Variants in CDH12 observed in about 807,000 individuals in gnomAD.
The protein encoded by CDH12 is cadherin-12.
A neutral mutation model predicts 74.1 loss-of-function variants in CDH12; 41 were observed. The observed-to-expected ratio is 0.55, with a 90% CI of 0.43 to 0.72. CDH12 has a LOEUF of 0.72. Among genes scored for constraint, CDH12 ranks in the 30% least tolerant of loss-of-function variants. The pLI, the probability that CDH12 is intolerant of heterozygous loss-of-function variation, is 0.00. For missense variants in CDH12, 945 were observed against 977.2 expected (o/e 0.97, Z 0.44); for synonymous variants, 399 against 355.0 (o/e 1.12, Z -1.39).
intron 5 of CDH12, among the ~76,000 whole-genome samples, chr5:21,995,548 T>G (rs1350424300): frequency 6.6e-6 from 1 of 151,974 alleles, no homozygotes; most frequent in Non-Finnish European, 1.5e-5. Flanking sequence ...AATGAAAGCT[T>G]AGCAGCCACC....
At chr5:22,623,202 C>T (rs1417968619) in intron 1 of CDH12, among the ~76,000 whole-genome samples, 2 of 152,162 alleles carry the variant, frequency 1.3e-5, no homozygotes, top group Non-Finnish European at 1.5e-5. Flanking sequence ...GACAAACCCA[C>T]AGCCAATATC....
chr5:22,504,870 A>G (rs1044778874), intron 2 of CDH12, among the ~76,000 whole-genome samples: 8 of 152,076 alleles, frequency 5.3e-5, no homozygotes, highest in African/African-American at 1.9e-4. Context: ...TTTAACAAAA[A>G]TAATACCCGC....
At chr5:22,356,326 T>A (rs920420651) in intron 3 of CDH12, among the ~76,000 whole-genome samples, 2 of 152,216 alleles carry the variant, frequency 1.3e-5, no homozygotes, top group East Asian at 3.9e-4. Flanking sequence ...CACATTTAGA[T>A]AACAATGGTT....
chr5:22,434,094 A>C (rs1318294328), intron 2 of CDH12, among the ~76,000 whole-genome samples: 1 of 152,026 alleles, frequency 6.6e-6, no homozygotes, highest in Non-Finnish European at 1.5e-5. Flanking sequence ...AAAAGGATCA[A>C]AGAAAGAGTG....
At chr5:22,566,059 T>C (rs1013236363) in intron 1 of CDH12, among the ~76,000 whole-genome samples, 3 of 152,172 alleles carry the variant, frequency 2.0e-5, no homozygotes, top group African/African-American at 7.2e-5. Context: ...AATTGATGTC[T>C]GAAGTATGTT....
intron 14 of CDH12, among the ~76,000 whole-genome samples, chr5:21,753,850 C>A (rs1744235597): frequency 1.3e-5 from 2 of 152,034 alleles, no homozygotes. Context: ...CAGAACATAC[C>A]AAGCCATGTT....
chr5:21,934,692 CTCTT>C (rs1754993849), intron 6 of CDH12, among the ~76,000 whole-genome samples: 1 of 152,186 alleles, frequency 6.6e-6, no homozygotes, highest in Non-Finnish European at 1.5e-5. Context: ...ACTAGAAACT[CTCTT>C]TGATGGTTTC....
chr5:22,537,627 C>A (rs1737911370), intron 1 of CDH12, among the ~76,000 whole-genome samples: 1 of 152,122 alleles, frequency 6.6e-6, no homozygotes, highest in Admixed American at 6.5e-5. Flanking sequence ...AACCTCTGCT[C>A]CAACCAGAGA....
At chr5:22,315,675 A>T (rs1738601972) in intron 3 of CDH12, among the ~76,000 whole-genome samples, 2 of 152,182 alleles carry the variant, frequency 1.3e-5, no homozygotes, top group South Asian at 4.1e-4. Context: ...TACAAAAAAA[A>T]TGTATTTTTT....
intron 1 of CDH12, among the ~76,000 whole-genome samples, chr5:22,538,669 C>G (rs1165629375): frequency 6.6e-6 from 1 of 152,230 alleles, no homozygotes; most frequent in East Asian, 1.9e-4. Flanking sequence ...TGGTGAAATA[C>G]CAGTATTTTT....
chr5:21,793,961 A>G (rs1185484384), intron 10 of CDH12, among the ~76,000 whole-genome samples: 6 of 150,490 alleles, frequency 4.0e-5, no homozygotes, highest in African/African-American at 1.5e-4. Flanking sequence ...GACTATACTG[A>G]ATAAGGTTTC....
rs1739067340 is a variant in CDH12 at position 22,325,799 on chromosome 5, TC to T, written c.-333+79457del. ...AGCGGTCATCTGTAGTCCCAGCTGCTCGGGAGGCTGAGGCGGGAGAATGGTG... is the reference window on the plus strand; with the variant it reads ...AGCGGTCATCTGTAGTCCCAGCTGCTGGGAGGCTGAGGCGGGAGAATGGTG... On this transcript the variant is annotated intron_variant, in intron 3 of 14. Coordinates refer to ENST00000382254, the MANE Select transcript of CDH12 (RefSeq NM_004061.5). 2.0e-5 allele frequency among the ~76,000 whole-genome samples: 3 copies of T among 151,970 alleles called. No individual in the cohort carries two copies. The East Asian group carries it at 5.8e-4, about 30-fold the overall frequency.
At chr5:22,466,329 G>T (rs1745726740) in intron 2 of CDH12, among the ~76,000 whole-genome samples, 2 of 152,138 alleles carry the variant, frequency 1.3e-5, no homozygotes, top group Admixed American at 1.3e-4. Context: ...TAAAAGCTCA[G>T]TAACCCAATG....
At chr5:21,926,814 T>TC (rs1561304495) in intron 6 of CDH12, among the ~76,000 whole-genome samples, 1 of 152,152 alleles carries the variant, frequency 6.6e-6, no homozygotes, top group African/African-American at 2.4e-5. Context: ...TAGAACTGTG[T>TC]ACAACAATAG....
At chr5:22,498,139 G>C (rs1747182140) in intron 2 of CDH12, among the ~76,000 whole-genome samples, 1 of 152,036 alleles carries the variant, frequency 6.6e-6, no homozygotes. Flanking sequence ...TATTTTATCA[G>C]GAAGATATTC....
intron 1 of CDH12, among the ~76,000 whole-genome samples, chr5:22,611,831 C>A (rs1232233362): frequency 6.6e-6 from 1 of 152,078 alleles, no homozygotes; most frequent in Non-Finnish European, 1.5e-5. Flanking sequence ...GATTAGGACA[C>A]AGAAGAGTGC....
intron 1 of CDH12, among the ~76,000 whole-genome samples, chr5:22,651,123 T>C (rs1484207442): frequency 2.6e-5 from 4 of 152,074 alleles, no homozygotes; most frequent in African/African-American, 7.2e-5. Flanking sequence ...ATCCAAAATA[T>C]ATTTTAAAGT....
chr5:21,814,405 A>C (rs1747929456), intron 9 of CDH12, among the ~76,000 whole-genome samples: 1 of 151,980 alleles, frequency 6.6e-6, no homozygotes, highest in South Asian at 2.1e-4. Flanking sequence ...ATGATAGTTG[A>C]ACTTACATAA....
chr5:21,980,224 A>T (rs1757251434), intron 5 of CDH12, among the ~76,000 whole-genome samples: 1 of 150,838 alleles, frequency 6.6e-6, no homozygotes, highest in Admixed American at 6.6e-5. Context: ...TCAAGTTACC[A>T]GTTTACTTCT....
Sources: gnomAD v4.1 joint callset for allele counts (sites outside exome capture counted in the v4.1 genomes callset) on GRCh38, gnomAD v4.1.1 for gene constraint, MANE v1.5 for transcripts, NCBI Gene and HGNC (gene_info 2026-07-23, HGNC 2026-07-21) for gene names.